Variants in SLC44A5 observed in about 807,000 individuals in gnomAD.
SLC44A5 encodes solute carrier family 44 member 5.
A neutral mutation model predicts 101.8 loss-of-function variants in SLC44A5; 57 were observed. The ratio of observed to expected loss-of-function variants is 0.56; its 90% CI spans 0.45 to 0.70. The LOEUF is 0.70. Among genes scored for constraint, SLC44A5 ranks in the 30% least tolerant of loss-of-function variants. SLC44A5 has a pLI of 0.00. For synonymous variants in SLC44A5, 281 were observed against 290.9 expected, an observed-to-expected ratio of 0.97 and a Z score of 0.35; for missense variants, 737 against 853.1, an observed-to-expected ratio of 0.86 and a Z score of 1.70.
chr1:75,420,892 G>C (rs1340771505), intron 2 of SLC44A5, among the ~76,000 whole-genome samples: 6 of 151,988 alleles, frequency 3.9e-5, no homozygotes, highest in African/African-American at 1.4e-4. Flanking sequence ...AAATACCAAG[G>C]CCTTAGAAGT....
chr1:75,601,773 T>C (rs1674998445), intron 1 of SLC44A5, among the ~76,000 whole-genome samples: 1 of 152,130 alleles, frequency 6.6e-6, no homozygotes, highest in South Asian at 2.1e-4. Flanking sequence ...TTCCCTTCCA[T>C]AAAGATCACT....
At chr1:75,381,848 T>C (rs1433203340) in intron 3 of SLC44A5, among the ~76,000 whole-genome samples, 1 of 73,432 alleles carries the variant, frequency 1.4e-5, no homozygotes, top group Non-Finnish European at 2.3e-5. Context: ...TTTACTTTAA[T>C]TGCAGTGATT....
At chr1:75,271,902 A>G (rs1467705379) in intron 6 of SLC44A5, among the ~76,000 whole-genome samples, 3 of 152,144 alleles carry the variant, frequency 2.0e-5, no homozygotes, top group African/African-American at 7.2e-5. Context: ...ACTGTTTTCC[A>G]TACTGGTTGT....
the SLC44A5 span, among the ~76,000 whole-genome samples, chr1:75,640,529 A>C: frequency 2.7e-4 from 41 of 152,176 alleles, no homozygotes; most frequent in Admixed American, 5.9e-4. Context: ...GCTTGTCTTT[A>C]TAATAGTCTG....
chr1:75,241,355 C>T (rs182742675), intron 9 of SLC44A5, among the ~76,000 whole-genome samples: 33 of 152,020 alleles, frequency 2.2e-4, no homozygotes, highest in Middle Eastern at 3.4e-3. Flanking sequence ...TCCCAAGTAG[C>T]TGGGATTACA....
chr1:75,370,000 CATTT>C (rs1660122598), intron 3 of SLC44A5, among the ~76,000 whole-genome samples: 1 of 152,204 alleles, frequency 6.6e-6, no homozygotes, highest in African/African-American at 2.4e-5. Context: ...AGATACCATT[CATTT>C]ATGTTTGAAA....
At chr1:75,233,929 A>G (rs568524332) in intron 12 of SLC44A5, 57 bp downstream of exon 12, 1 of 1,279,848 alleles carries the variant, frequency 7.8e-7, no homozygotes, top group Non-Finnish European at 1.1e-6. Context: ...GATAACAGCG[A>G]TTGAAAATAA....
At chr1:75,448,230 A>G (rs1353748741) in intron 2 of SLC44A5, among the ~76,000 whole-genome samples, 3 of 152,202 alleles carry the variant, frequency 2.0e-5, no homozygotes, top group Non-Finnish European at 4.4e-5. Context: ...CTGCTCCACA[A>G]GACTATTCAA....
At chr1:75,509,235 T>C (rs1370970353) in intron 2 of SLC44A5, among the ~76,000 whole-genome samples, 1 of 152,246 alleles carries the variant, frequency 6.6e-6, no homozygotes, top group Non-Finnish European at 1.5e-5. Flanking sequence ...GGTTTCATTT[T>C]TTTATTCAAA....
At chr1:75,388,068 G>T (rs1363746285) in intron 3 of SLC44A5, among the ~76,000 whole-genome samples, 2 of 109,582 alleles carry the variant, frequency 1.8e-5, no homozygotes, top group Non-Finnish European at 3.6e-5. Flanking sequence ...TTGTGGGGTG[G>T]GGGGAGGGGG....
At chr1:75,306,147 T>C (rs1308860081) in intron 4 of SLC44A5, among the ~76,000 whole-genome samples, 2 of 152,238 alleles carry the variant, frequency 1.3e-5, no homozygotes, top group African/African-American at 4.8e-5. Context: ...CTAATATATG[T>C]ATATCGTCTA....
intron 2 of SLC44A5, among the ~76,000 whole-genome samples, chr1:75,453,010 A>G (rs1479471133): frequency 6.6e-6 from 1 of 152,112 alleles, no homozygotes; most frequent in Non-Finnish European, 1.5e-5. Flanking sequence ...GAAATTCTAG[A>G]CTAAAAGTTC....
At chr1:75,326,339 G>C (rs1221356941) in intron 4 of SLC44A5, among the ~76,000 whole-genome samples, 1 of 150,270 alleles carries the variant, frequency 6.7e-6, no homozygotes, top group African/African-American at 2.5e-5. Flanking sequence ...TCAAGGCTCA[G>C]TTCTAAAGCT....
At chr1:75,251,596 T>C (rs1570472735) in intron 6 of SLC44A5, among the ~76,000 whole-genome samples, 1 of 152,212 alleles carries the variant, frequency 6.6e-6, no homozygotes, top group Non-Finnish European at 1.5e-5. Context: ...TAATGGATGG[T>C]GAAATTTACA....
intron 6 of SLC44A5, among the ~76,000 whole-genome samples, chr1:75,258,987 A>G (rs1357454630): frequency 6.6e-6 from 1 of 152,180 alleles, no homozygotes; most frequent in African/African-American, 2.4e-5. Flanking sequence ...ATCAACAGCA[A>G]CAAAAAGGAC....
chr1:75,678,622 C>T, the SLC44A5 span, among the ~76,000 whole-genome samples: 1,260 of 150,098 alleles, frequency 8.4e-3, 26 homozygotes, highest in African/African-American at 0.029. Flanking sequence ...ACATCACCAT[C>T]ATCAAAGACC....
the SLC44A5 span, among the ~76,000 whole-genome samples, chr1:75,649,673 CTA>C: frequency 6.6e-6 from 1 of 152,156 alleles, no homozygotes; most frequent in African/African-American, 2.4e-5. Context: ...GAATCAGGAT[CTA>C]TGTCTTCTTG....
At chr1:75,280,494 T>G (rs1317755113) in intron 5 of SLC44A5, among the ~76,000 whole-genome samples, 55 of 113,390 alleles carry the variant, frequency 4.9e-4, no homozygotes, top group African/African-American at 7.7e-4. Context: ...ATTATATATA[T>G]TATATATATA....
intron 2 of SLC44A5, among the ~76,000 whole-genome samples, chr1:75,486,641 T>C (rs1406346087): frequency 1.3e-5 from 2 of 152,112 alleles, no homozygotes; most frequent in African/African-American, 4.8e-5. Flanking sequence ...CCCTTCCAAA[T>C]GGGAGAAATT....
Sources: gnomAD v4.1 joint callset for allele counts (sites outside exome capture counted in the v4.1 genomes callset) on GRCh38, gnomAD v4.1.1 for gene constraint, MANE v1.5 for transcripts, NCBI Gene and HGNC (gene_info 2026-07-23, HGNC 2026-07-21) for gene names.